The following RRM1 variants were observed in gnomAD, a reference collection of about 807,000 sequenced individuals.
RRM1 encodes ribonucleoside-diphosphate reductase large subunit.
A neutral mutation model predicts 101.5 loss-of-function variants in RRM1; 19 were observed. The ratio of observed to expected loss-of-function variants is 0.19; its 90% CI spans 0.13 to 0.27. The LOEUF is 0.27. RRM1 is among the 10% of genes least tolerant of loss of function. RRM1 has a pLI of 1.00. For synonymous variants in RRM1, 298 were observed against 323.4 expected (o/e 0.92, Z 0.84); for missense variants, 500 against 962.9 (o/e 0.52, Z 6.36).
At chr11:4,097,072 G>A (rs2133281752) in intron 1 of RRM1, among the ~76,000 whole-genome samples, 1 of 148,852 alleles carries the variant, frequency 6.7e-6, no homozygotes, top group East Asian at 1.9e-4. Context: ...ATCATTTGAG[G>A]TGTGGAGTTT....
intron 3 of RRM1, 99 bp downstream of exon 3, chr11:4,106,322 G>C: frequency 2.8e-6 from 3 of 1,071,364 alleles, no homozygotes; most frequent in South Asian, 2.8e-5. Flanking sequence ...AATATGGCTA[G>C]ATGGGGTGGC....
chr11:4,110,768 C>CAA (rs968622381), intron 5 of RRM1, among the ~76,000 whole-genome samples: 20 of 51,238 alleles, frequency 3.9e-4, no homozygotes, highest in African/African-American at 9.6e-4. Flanking sequence ...GACTCTGTCT[C>CAA]AAAAAAAAAA....
chr11:4,112,238 G>T (rs995181737), intron 7 of RRM1, among the ~76,000 whole-genome samples, 176 bp downstream of exon 7: 1 of 152,150 alleles, frequency 6.6e-6, no homozygotes, highest in Non-Finnish European at 1.5e-5. Context: ...AAAGGCAAAT[G>T]CTTATAACAA....
chr11:4,117,235 CT>C (rs2094575014), intron 7 of RRM1, among the ~76,000 whole-genome samples: 1 of 152,226 alleles, frequency 6.6e-6, no homozygotes, highest in Non-Finnish European at 1.5e-5. Flanking sequence ...TTTGGAGAAT[CT>C]TTAGTAAAGT....
Position 4,115,937 on chromosome 11 carries a change from T to C in RRM1, c.651-2383T>C, listed in dbSNP as rs1055277195. On this transcript the variant is annotated intron_variant, in intron 7 of 18. Transcript: ENST00000300738. ...ACCATAGAGCAAAACATTGGAAAAA[T>C]TGACTACAATTAAAAACTTCTGTGT... The C allele has an allele frequency of 2.0e-5, 3 of 152,014 alleles. No homozygotes were observed. In the East Asian group the frequency reaches 5.8e-4, roughly 29 times the overall value. The allele number at this position is 152,014 out of a possible 1,614,324, so 9.4% of individuals were successfully genotyped here.
chr11:4,126,897 G>C, intron 13 of RRM1, 64 bp downstream of exon 13: 1 of 1,469,810 alleles, frequency 6.8e-7, no homozygotes, highest in Non-Finnish European at 9.3e-7. Context: ...AATCAATCAT[G>C]ATCTTCAAGT....
chr11:4,136,248 GACTC>G (rs1474181887), intron 18 of RRM1, among the ~76,000 whole-genome samples: 1 of 151,852 alleles, frequency 6.6e-6, no homozygotes, highest in Admixed American at 6.5e-5. Context: ...TTGAGACAGA[GACTC>G]ACTCTGTTGC....
intron 6 of RRM1, 90 bp from the exon 7 acceptor site, chr11:4,111,810 C>T: frequency 3.0e-6 from 4 of 1,340,118 alleles, no homozygotes; most frequent in African/African-American, 1.5e-5. Context: ...TTCTAGTTTC[C>T]TTTTGGTGTC....
At chr11:4,130,080 ATATATAT>A (rs1485544714) in intron 15 of RRM1, among the ~76,000 whole-genome samples, 1 of 96,346 alleles carries the variant, frequency 1.0e-5, no homozygotes, top group African/African-American at 5.7e-5. Flanking sequence ...ATATATATAT[ATATATAT>A]TTTTTTTTTT....
chr11:4,137,517 C>G lies in RRM1; in HGVS notation c.2191-678C>G, dbSNP rs1191927709. On this transcript the variant is annotated intron_variant, in intron 18 of 18. Transcript: ENST00000300738. ...GGGGCTGAACCCCCCACCTCCCTCC[C>G]GGACGGGGCGGCTGGCCGGGCAGAG... Among the ~76,000 whole-genome samples, 17 of 78,852 alleles carry G rather than the reference C, an allele frequency of 2.2e-4. 2 individuals carry two copies. Among genetic ancestry groups the G allele is most frequent in the African/African-American group, 8.3e-4 (17 of 20,436 alleles). The allele number at this position is 78,852 out of a possible 152,430, so 51.7% of individuals were successfully genotyped here.
intron 1 of RRM1, among the ~76,000 whole-genome samples, chr11:4,096,622 TGA>T (rs1243494861): frequency 6.6e-6 from 1 of 152,116 alleles, no homozygotes; most frequent in Non-Finnish European, 1.5e-5. Context: ...TTCATAAGAG[TGA>T]GAGCTGAGCA....
intron 3 of RRM1, 123 bp downstream of exon 3, chr11:4,106,346 C>A: frequency 1.2e-6 from 1 of 846,998 alleles, no homozygotes; most frequent in Non-Finnish European, 1.8e-6. Context: ...CACCTCGAAT[C>A]CCAGCAATTT....
chr11:4,125,795 T>TA (rs1399805467), intron 12 of RRM1, among the ~76,000 whole-genome samples: 4 of 152,236 alleles, frequency 2.6e-5, no homozygotes, highest in Admixed American at 2.0e-4. Context: ...TTTTCCTGCC[T>TA]ATTTTTCTTC....
rs1249827135 is a variant in RRM1, at chr11:4,102,977, CT to C, written c.108+898del. Among the ~76,000 whole-genome samples, 3 of 152,322 alleles carry C rather than the reference CT, an allele frequency of 2.0e-5. No individual in the cohort carries two copies. In the East Asian group the frequency reaches 5.8e-4, roughly 29 times the overall value. On this transcript the variant is annotated intron_variant, in intron 2 of 18. Coordinates refer to ENST00000300738, the MANE Select transcript of RRM1 (RefSeq NM_001033.5). ...TCTTCCACCTGACTTCTAAAATGAT[CT>C]TCCTTAAATGAGAATCTCTAAGAAC...
At chr11:4,102,474 A>T (rs1426395496) in intron 2 of RRM1, among the ~76,000 whole-genome samples, 1 of 152,116 alleles carries the variant, frequency 6.6e-6, no homozygotes, top group African/African-American at 2.4e-5. Context: ...CCTGGCCAAC[A>T]TGGTGAAACC....
intron 2 of RRM1, among the ~76,000 whole-genome samples, chr11:4,104,734 T>G (rs1165591058): frequency 6.6e-6 from 1 of 152,166 alleles, no homozygotes; most frequent in Non-Finnish European, 1.5e-5. Flanking sequence ...CAACTTTGGT[T>G]GAGAATCATT....
At chr11:4,099,957 A>G (rs1037159391) in intron 1 of RRM1, among the ~76,000 whole-genome samples, 7 of 150,478 alleles carry the variant, frequency 4.7e-5, no homozygotes, top group Non-Finnish European at 7.4e-5. Flanking sequence ...CCCCCACTGC[A>G]TGTATAATTG....
At chr11:4,121,234 C>T (rs1281421630) in intron 9 of RRM1, among the ~76,000 whole-genome samples, 7 of 152,100 alleles carry the variant, frequency 4.6e-5, no homozygotes, top group East Asian at 3.9e-4. Context: ...ACTTTTTGAC[C>T]TACAATAAGA....
At chr11:4,096,874 A>C (rs2133281516) in intron 1 of RRM1, among the ~76,000 whole-genome samples, 2 of 152,254 alleles carry the variant, frequency 1.3e-5, no homozygotes, top group Admixed American at 1.3e-4. Flanking sequence ...AGTCAGTAAC[A>C]AAGATGAATT....
Sources: gnomAD v4.1 joint callset for allele counts (sites outside exome capture counted in the v4.1 genomes callset) on GRCh38, gnomAD v4.1.1 for gene constraint, MANE v1.5 for transcripts, NCBI Gene and HGNC (gene_info 2026-07-23, HGNC 2026-07-21) for gene names.